The following COPZ1 variants were observed in gnomAD, a reference collection of about 807,000 sequenced individuals.
COPZ1 encodes the protein coatomer subunit zeta-1.
Under a neutral mutation model 31.7 loss-of-function variants are expected in COPZ1, and 4 were observed. That is an observed-to-expected ratio of 0.13 (90% CI 0.06 to 0.29). COPZ1 has a LOEUF of 0.29. COPZ1 is among the 10% of genes least tolerant of loss of function. The pLI is 1.00. For synonymous variants in COPZ1, 74 were observed against 79.0 expected (o/e 0.94, Z 0.33); for missense variants, 156 against 211.5 (o/e 0.74, Z 1.63).
intron 1 of COPZ1, among the ~76,000 whole-genome samples, chr12:54,338,278 C>T (rs1341500196): frequency 2.0e-5 from 3 of 152,236 alleles, no homozygotes; most frequent in Non-Finnish European, 4.4e-5. Context: ...TAAGAAAACT[C>T]ATTCCCATTG....
intron 8 of COPZ1, chr12:54,350,093 G>A (rs1954122043): frequency 1.6e-6 from 1 of 607,606 alleles, no homozygotes; most frequent in African/African-American, 1.8e-5. Context: ...CAGATAGATT[G>A]TCTACCTGAT....
At chr12:54,336,681 A>T (rs977808625) in intron 1 of COPZ1, among the ~76,000 whole-genome samples, 1 of 150,848 alleles carries the variant, frequency 6.6e-6, no homozygotes, top group African/African-American at 2.4e-5. Flanking sequence ...TCTATGCGCT[A>T]GGGGAGAGAG....
intron 4 of COPZ1, 91 bp downstream of exon 4, chr12:54,343,407 C>T (rs944035991): frequency 3.6e-5 from 38 of 1,059,572 alleles, no homozygotes; most frequent in Middle Eastern, 2.0e-4. Flanking sequence ...CTAATAGAGC[C>T]GTGTTCCTCT....
chr12:54,333,713 C>T (rs1264554546), intron 1 of COPZ1, among the ~76,000 whole-genome samples: 2 of 152,092 alleles, frequency 1.3e-5, no homozygotes, highest in Non-Finnish European at 1.5e-5. Context: ...GACATTTTCT[C>T]CTGTAATATC....
At chr12:54,335,044 G>A (rs1953832766) in intron 1 of COPZ1, among the ~76,000 whole-genome samples, 1 of 151,848 alleles carries the variant, frequency 6.6e-6, no homozygotes, top group Admixed American at 6.6e-5. Flanking sequence ...CATGGTGGCA[G>A]TCACCTGTAA....
intron 1 of COPZ1, among the ~76,000 whole-genome samples, chr12:54,340,150 T>C (rs1296781436): frequency 1.3e-5 from 2 of 152,206 alleles, no homozygotes; most frequent in Non-Finnish European, 2.9e-5. Flanking sequence ...TATTTTCAAA[T>C]GGCTTTGTTC....
intron 2 of COPZ1, among the ~76,000 whole-genome samples, chr12:54,341,521 G>T (rs1327847475): frequency 6.6e-6 from 1 of 152,206 alleles, no homozygotes; most frequent in African/African-American, 2.4e-5. Flanking sequence ...ATGTAACTAT[G>T]CAGGACACCT....
At chr12:54,325,842 G>A (rs1336999746) in intron 1 of COPZ1, among the ~76,000 whole-genome samples, 1 of 140,132 alleles carries the variant, frequency 7.1e-6, no homozygotes, top group African/African-American at 2.7e-5. Flanking sequence ...TTGAGACCGA[G>A]CCTTGCTCTG....
In COPZ1 at chr12:54,340,601, C is replaced by A. The variant is rs1426866859; in HGVS notation, c.73C>A (p.Arg25=). Residue 25 remains arginine (R), a synonymous_variant, in exon 2 of 9, where the codon CGA becomes AGA. Coordinates refer to ENST00000262061, the MANE Select transcript of COPZ1 (RefSeq NM_016057.3). The part of the protein sequence containing the change: ...AILILDNDGD[R]LFAKYYDDTY... ...CCTGATTCTGGACAATGATGGAGAT[C>A]GACTTTTTGCCAAGGTGAGATTCCC... The A allele has an allele frequency of 4.3e-6, 7 of 1,613,736 alleles. No individual in the cohort carries two copies. Among genetic ancestry groups the A allele is most frequent in the South Asian group, 1.1e-5 (1 of 90,998 alleles).
intron 4 of COPZ1, 38 bp downstream of exon 4, chr12:54,343,354 A>G (rs755010781): frequency 3.2e-6 from 5 of 1,545,770 alleles, no homozygotes; most frequent in Admixed American, 1.7e-5. Context: ...TTCTGATCCT[A>G]CTTTCTAAAC....
chr12:54,327,296 G>GTTT (rs79015590), intron 1 of COPZ1, among the ~76,000 whole-genome samples: 7 of 118,674 alleles, frequency 5.9e-5, no homozygotes, highest in African/African-American at 1.3e-4. Flanking sequence ...CAGTTAGCAA[G>GTTT]TTTTTTTTTT....
intron 1 of COPZ1, among the ~76,000 whole-genome samples, chr12:54,328,630 T>G (rs1050469038): frequency 6.6e-6 from 1 of 152,222 alleles, no homozygotes; most frequent in African/African-American, 2.4e-5. Flanking sequence ...CTGTCTCTGC[T>G]TCTTCAGTGA....
chr12:54,343,168 C>T, intron 3 of COPZ1, 57 bp from the exon 4 acceptor site: 2 of 1,397,036 alleles, frequency 1.4e-6, no homozygotes, highest in Non-Finnish European at 2.0e-6. Flanking sequence ...GTAACTCCTT[C>T]TTTCCTACTT....
chr12:54,325,273 C>A, intron 1 of COPZ1, 92 bp downstream of exon 1: 1 of 1,466,438 alleles, frequency 6.8e-7, no homozygotes, highest in Non-Finnish European at 9.2e-7. Context: ...AAAGAGAGTT[C>A]CGGGTAATTC....
At position 54,340,579 on chromosome 12, in the gene COPZ1, G is replaced by A; in HGVS notation, c.51G>A (p.Leu17=). 1 of 1,614,072 alleles carries A rather than the reference G, an allele frequency of 6.2e-7. No homozygotes were observed. The highest frequency in any genetic ancestry group is 8.5e-7 in the Non-Finnish European group (1 of 1,180,000). ...CCCTGTATACTGTCAAAGCCATCCT[G>A]ATTCTGGACAATGATGGAGATCGAC... ...EPSLYTVKAI[L]ILDNDGDRLF... is the part of the protein sequence containing the mutation. The change falls in exon 2 of 9, where the codon CTG becomes CTA. Residue 17 remains leucine, a synonymous_variant. Coordinates refer to ENST00000262061, the MANE Select transcript of COPZ1 (RefSeq NM_016057.3).
intron 5 of COPZ1, 99 bp from the exon 6 acceptor site, chr12:54,347,668 T>C (rs1954087151): frequency 1.0e-6 from 1 of 975,268 alleles, no homozygotes; most frequent in African/African-American, 1.6e-5. Flanking sequence ...TTGGTGGAGA[T>C]GTTTATTGGT....
At chr12:54,336,285 C>G (rs1953861232) in intron 1 of COPZ1, among the ~76,000 whole-genome samples, 1 of 152,204 alleles carries the variant, frequency 6.6e-6, no homozygotes, top group South Asian at 2.1e-4. Flanking sequence ...TGGCTCACGC[C>G]TGTAATCCCA....
intron 1 of COPZ1, among the ~76,000 whole-genome samples, chr12:54,331,246 T>A (rs1953747453): frequency 6.8e-6 from 1 of 147,074 alleles, no homozygotes; most frequent in South Asian, 2.2e-4. Flanking sequence ...AATGGCATGA[T>A]CTTGGCTCAC....
rs556854375 is a variant in COPZ1, at chr12:54,342,330, C to T, written c.169+43C>T. ...CACTACTACCCGTGCTGGGGGGAAC[C>T]ATGGTGGAAAGGGGGTGGTAACAGG... On this transcript the variant is annotated intron_variant, in intron 3 of 8. Coordinates refer to ENST00000262061, the MANE Select transcript of COPZ1 (RefSeq NM_016057.3). 1.2e-5 allele frequency: 17 copies of T among 1,446,526 alleles called. No homozygotes were observed. The African/African-American group carries it at 1.3e-4, about 11-fold the overall frequency. 89.6% of individuals were successfully genotyped at this position (1,446,526 alleles called of 1,614,324 possible).
Sources: allele counts gnomAD v4.1 joint callset (sites outside exome capture counted in the v4.1 genomes callset), GRCh38; gene constraint gnomAD v4.1.1; transcripts MANE v1.5; gene names NCBI Gene and HGNC (gene_info 2026-07-23, HGNC 2026-07-21).